Variants in BCKDHA observed in about 807,000 individuals in gnomAD.
BCKDHA encodes 2-oxoisovalerate dehydrogenase subunit alpha, mitochondrial.
A neutral mutation model predicts 52.2 loss-of-function variants in BCKDHA; 43 were observed. That is an observed-to-expected ratio of 0.82 (90% CI 0.64 to 1.06). The LOEUF is 1.06. Ranked by LOEUF, BCKDHA falls within the 50% of genes least tolerant of loss-of-function variation. The pLI, the probability that BCKDHA is intolerant of heterozygous loss-of-function variation, is 0.00. For missense variants in BCKDHA, 527 were observed against 621.3 expected (o/e 0.85, Z 1.61); for synonymous variants, 234 against 247.9 (o/e 0.94, Z 0.53).
chr19:41,408,386 G>C (rs1416019827), intron 1 of BCKDHA, among the ~76,000 whole-genome samples: 2 of 151,912 alleles, frequency 1.3e-5, no homozygotes, highest in Non-Finnish European at 2.9e-5. Context: ...CGAGGAGTTA[G>C]TAGGCTTGTG....
At chr19:41,410,573 C>G in intron 1 of BCKDHA, 64 bp from the exon 2 acceptor site, 1 of 1,593,870 alleles carries the variant, frequency 6.3e-7, no homozygotes, top group South Asian at 1.1e-5. Flanking sequence ...GCCGCCGGGG[C>G]TGAGCCAGCG....
chr19:41,399,012 A>G (rs78812076), intron 1 of BCKDHA, among the ~76,000 whole-genome samples: 4,357 of 152,252 alleles, frequency 0.029, 189 homozygotes, highest in African/African-American at 0.099. Context: ...GACAGAAACT[A>G]ACCTTGGAGA....
intron 4 of BCKDHA, among the ~76,000 whole-genome samples, chr19:41,416,605 G>A (rs923638568): frequency 8.5e-5 from 13 of 152,142 alleles, no homozygotes; most frequent in Admixed American, 3.9e-4. Context: ...AGGGAGTGGC[G>A]CCCGGTGAAA....
chr19:41,418,320 G>A (rs2039328035), intron 4 of BCKDHA, among the ~76,000 whole-genome samples: 1 of 152,156 alleles, frequency 6.6e-6, no homozygotes, highest in African/African-American at 2.4e-5. Context: ...GGGGCAAAGA[G>A]CTTGTCTGAG....
intron 1 of BCKDHA, among the ~76,000 whole-genome samples, chr19:41,403,814 G>A (rs11672345): frequency 0.016 from 2,387 of 152,322 alleles, 39 homozygotes; most frequent in Non-Finnish European, 0.024. Flanking sequence ...CCAAGGCCGC[G>A]TGGCTGGAAA....
rs188473450 is a variant in BCKDHA at position 41,413,326 on chromosome 19, C to T, written c.376-723C>T. 2.6e-3 allele frequency among the ~76,000 whole-genome samples: 398 copies of T among 151,638 alleles called. 2 individuals carry two copies. Among genetic ancestry groups the T allele is most frequent in the African/African-American group, 9.3e-3 (379 of 40,932 alleles). On this transcript the variant is annotated intron_variant, in intron 3 of 8. Transcript: ENST00000269980. ...GCAAGGGAGGCCAGGGACCTGAGTG[C>T]GTGTCTTTTTGAGGCTCAGGTTAGG...
intron 1 of BCKDHA, among the ~76,000 whole-genome samples, chr19:41,398,212 A>G (rs2039098122): frequency 6.6e-6 from 1 of 152,142 alleles, no homozygotes. Context: ...GTTCCTTATT[A>G]GCTGCCACTG....
chr19:41,407,447 TGTG>T (rs1479269182), intron 1 of BCKDHA, among the ~76,000 whole-genome samples: 4 of 152,106 alleles, frequency 2.6e-5, no homozygotes, highest in Admixed American at 6.6e-5. Context: ...TTCCTGGGAT[TGTG>T]GTGTGTGTGG....
In BCKDHA at chr19:41,423,064, G is replaced by T; in HGVS notation, c.1062G>T (p.Trp354Cys). ...AYRSVDEVNY[W>C]DKQDHPISRL... ...GCTCGGTGGATGAGGTCAATTACTG[G>T]GATAAACAGGACCACCCCATCTCCC... is the stretch of plus-strand genomic sequence containing the variant. The change falls in exon 8 of 9, where the codon TGG (tryptophan) becomes TGT (cysteine). Residue 354 changes from tryptophan to cysteine, a missense_variant. Transcript: ENST00000269980. 6.3e-7 allele frequency: 1 copy of T among 1,595,222 alleles called. No individual in the cohort carries two copies. Among genetic ancestry groups the T allele is most frequent in the East Asian group, 2.3e-5 (1 of 43,970 alleles).
At chr19:41,402,385 A>G (rs1425556618) in intron 1 of BCKDHA, among the ~76,000 whole-genome samples, 1 of 152,116 alleles carries the variant, frequency 6.6e-6, no homozygotes, top group Non-Finnish European at 1.5e-5. Flanking sequence ...CCTTTTTCAC[A>G]TCTTGAGGCA....
Position 41,410,908 on chromosome 19 carries a change from T to C in BCKDHA, c.289-15T>C, listed in dbSNP as rs750133814. ...GTCCCAACTGCCCCACGTCTATCTG[T>C]GCCTCCACCCGCAGCTGCCGAAGGA... On this transcript the variant is annotated splice_polypyrimidine_tract_variant and intron_variant, in intron 2 of 8. Coordinates refer to ENST00000269980, the MANE Select transcript of BCKDHA (RefSeq NM_000709.4). The C allele has an allele frequency of 6.2e-7, 1 of 1,614,102 alleles. No homozygotes were observed. The highest frequency in any genetic ancestry group is 1.1e-5 in the South Asian group (1 of 91,082).
chr19:41,410,527 C>T (rs1599952807), intron 1 of BCKDHA, 110 bp from the exon 2 acceptor site: 27 of 1,275,546 alleles, frequency 2.1e-5, no homozygotes, highest in Non-Finnish European at 2.8e-5. Flanking sequence ...CCAGAGTTCA[C>T]TGGGGCCACA....
chr19:41,424,461 C>T lies in BCKDHA; in HGVS notation c.1191C>T (p.Ala397=), dbSNP rs374403946. 803 of 1,614,124 alleles carry T rather than the reference C, an allele frequency of 5.0e-4. No individual in the cohort carries two copies. Among genetic ancestry groups the T allele is most frequent in the Non-Finnish European group, 5.6e-4 (666 of 1,180,030 alleles). ...RRKVMEAFEQ[A]ERKPKPNPNL... ...AGGTGATGGAGGCCTTTGAGCAGGC[C>T]GAGCGGAAGCCCAAACCCAACCCCA... The change falls in exon 9 of 9, where the codon GCC becomes GCT. Residue 397 remains alanine, a synonymous_variant. Transcript: ENST00000269980.
At chr19:41,398,928 T>G (rs2039107007) in intron 1 of BCKDHA, among the ~76,000 whole-genome samples, 1 of 152,066 alleles carries the variant, frequency 6.6e-6, no homozygotes, top group African/African-American at 2.4e-5. Context: ...AAAATCAATA[T>G]GTAAAATGCT....
At chr19:41,405,047 G>A (rs1052847166) in intron 1 of BCKDHA, among the ~76,000 whole-genome samples, 26 of 152,224 alleles carry the variant, frequency 1.7e-4, no homozygotes, top group Admixed American at 4.6e-4. Context: ...ATCCCTCCCT[G>A]TCTCTAGCCT....
chr19:41,419,524 C>T (rs1216728138), intron 5 of BCKDHA, among the ~76,000 whole-genome samples: 2 of 152,196 alleles, frequency 1.3e-5, no homozygotes, highest in African/African-American at 2.4e-5. Context: ...TCACTGCAGC[C>T]TCCTTCTCCC....
intron 1 of BCKDHA, among the ~76,000 whole-genome samples, chr19:41,404,582 C>G (rs1357437958): frequency 6.6e-6 from 1 of 151,656 alleles, no homozygotes; most frequent in Non-Finnish European, 1.5e-5. Flanking sequence ...AGCCACCACG[C>G]CCAGCCTAAT....
In BCKDHA at chr19:41,410,654, G is replaced by A. The variant is rs770845165; in HGVS notation, c.126G>A (p.Gln42=). The A allele has an allele frequency of 2.5e-6, 4 of 1,614,200 alleles. No individual in the cohort carries two copies. In the South Asian group the frequency reaches 4.4e-5, roughly 18 times the overall value. The change falls in exon 2 of 9, where the codon CAG becomes CAA. Residue 42 remains glutamine (Q), a synonymous_variant. Transcript: ENST00000269980. Reference sequence around the variant, plus strand: ...TTCCCCAGCACCCCCCCAGGCAGCAGCAGCAGTTTTCATCTCTGGATGACA... The same window carrying A: ...TTCCCCAGCACCCCCCCAGGCAGCAACAGCAGTTTTCATCTCTGGATGACA... ...GLARSHPPRQ[Q]QQFSSLDDKP...
intron 3 of BCKDHA, among the ~76,000 whole-genome samples, chr19:41,412,570 G>T (rs1037506720): frequency 3.3e-5 from 5 of 151,106 alleles, no homozygotes; most frequent in African/African-American, 1.2e-4. Context: ...TAGAGATGGG[G>T]TTTCTCCATG....
Sources: gnomAD v4.1 joint callset for allele counts (sites outside exome capture counted in the v4.1 genomes callset) on GRCh38, gnomAD v4.1.1 for gene constraint, MANE v1.5 for transcripts, NCBI Gene and HGNC (gene_info 2026-07-23, HGNC 2026-07-21) for gene names.